Variants in GALNT13 observed in about 807,000 individuals in gnomAD.
GALNT13 encodes the protein polypeptide N-acetylgalactosaminyltransferase 13, also known as UDP-GalNAc:polypeptide N-acetylgalactosaminyltransferase 13.
GALNT13 carries 28 observed loss-of-function variants against 64.2 expected under a neutral mutation model. The ratio of observed to expected loss-of-function variants is 0.44; its 90% CI spans 0.32 to 0.60. GALNT13 has a LOEUF of 0.60. Among genes scored for constraint, GALNT13 ranks in the 20% least tolerant of loss-of-function variants. The pLI is 0.05. For synonymous variants in GALNT13, 214 were observed against 224.6 expected (o/e 0.95, Z 0.42); for missense variants, 577 against 669.8 (o/e 0.86, Z 1.53).
the GALNT13 span, among the ~76,000 whole-genome samples, chr2:153,256,715 G>T: frequency 1.1e-4 from 16 of 152,282 alleles, no homozygotes; most frequent in South Asian, 2.9e-3. Context: ...CAGGCCGTGT[G>T]AGGTGTCAGT....
intron 4 of GALNT13, among the ~76,000 whole-genome samples, chr2:154,207,216 T>A (rs760976299): frequency 1.3e-4 from 20 of 152,126 alleles, no homozygotes; most frequent in African/African-American, 3.4e-4. Context: ...TCCAATGTCG[T>A]GTCTTGTTTG....
the GALNT13 span, among the ~76,000 whole-genome samples, chr2:153,285,913 TG>T: frequency 6.6e-6 from 1 of 151,770 alleles, no homozygotes; most frequent in Non-Finnish European, 1.5e-5. Context: ...AAAAAAGGAG[TG>T]AAACTTAACA....
chr2:153,575,510 G>A, the GALNT13 span, among the ~76,000 whole-genome samples: 1 of 152,268 alleles, frequency 6.6e-6, no homozygotes, highest in South Asian at 2.1e-4. Flanking sequence ...TGGGAGTCAG[G>A]GGCTAGAGTC....
intron 3 of GALNT13, among the ~76,000 whole-genome samples, chr2:153,993,757 A>G (rs1695326038): frequency 6.6e-6 from 1 of 151,840 alleles, no homozygotes; most frequent in Admixed American, 6.6e-5. Context: ...GATGATTTGC[A>G]AAAGGATGCC....
At chr2:153,971,045 C>T (rs1693702701) in intron 3 of GALNT13, among the ~76,000 whole-genome samples, 1 of 152,178 alleles carries the variant, frequency 6.6e-6, no homozygotes, top group Non-Finnish European at 1.5e-5. Flanking sequence ...CTTATTCATT[C>T]TGTTCCAGTC....
chr2:153,071,213 G>A, the GALNT13 span, among the ~76,000 whole-genome samples: 1 of 152,154 alleles, frequency 6.6e-6, no homozygotes, highest in Non-Finnish European at 1.5e-5. Context: ...ATTTATGTGA[G>A]TAAAAACACA....
chr2:153,757,194 C>G, the GALNT13 span, among the ~76,000 whole-genome samples: 1 of 152,060 alleles, frequency 6.6e-6, no homozygotes, highest in Non-Finnish European at 1.5e-5. Context: ...CCCCCACAGT[C>G]GCTGGTTTCT....
chr2:154,108,689 T>C (rs568117922), intron 3 of GALNT13, among the ~76,000 whole-genome samples: 1 of 151,888 alleles, frequency 6.6e-6, no homozygotes, highest in Non-Finnish European at 1.5e-5. Context: ...ATTCCGTGAT[T>C]TTTTTTTCTT....
chr2:154,365,966 A>G (rs913574206), intron 9 of GALNT13, among the ~76,000 whole-genome samples: 5 of 152,200 alleles, frequency 3.3e-5, no homozygotes, highest in African/African-American at 1.2e-4. Context: ...GCTATTGACA[A>G]TCATCAAAGA....
intron 3 of GALNT13, among the ~76,000 whole-genome samples, chr2:153,945,479 C>G (rs1691661788): frequency 6.6e-6 from 1 of 152,016 alleles, no homozygotes; most frequent in African/African-American, 2.4e-5. Context: ...CAAAAGTTTT[C>G]TGCATAAATA....
chr2:153,269,698 A>G, the GALNT13 span, among the ~76,000 whole-genome samples: 1 of 147,714 alleles, frequency 6.8e-6, no homozygotes, highest in Non-Finnish European at 1.5e-5. Flanking sequence ...ACTACCTGAG[A>G]CTGGGTAATT....
intron 9 of GALNT13, among the ~76,000 whole-genome samples, chr2:154,340,174 C>CTTGGTCAAAATATGT (rs1434509656): frequency 6.6e-6 from 1 of 151,896 alleles, no homozygotes; most frequent in Non-Finnish European, 1.5e-5. Flanking sequence ...AACTCTCTAA[C>CTTGGTCAAAATATGT]TTGGTCAAAA....
At chr2:153,670,694 G>A in the GALNT13 span, among the ~76,000 whole-genome samples, 1 of 152,180 alleles carries the variant, frequency 6.6e-6, no homozygotes, top group South Asian at 2.1e-4. Flanking sequence ...ACTGGATGGA[G>A]AATGAGTTTG....
the GALNT13 span, among the ~76,000 whole-genome samples, chr2:153,304,521 C>T: frequency 6.6e-6 from 1 of 152,086 alleles, no homozygotes; most frequent in East Asian, 1.9e-4. Context: ...AATAGGACTC[C>T]CTCACAGCAG....
chr2:154,339,897 A>G (rs1295305695), intron 9 of GALNT13, among the ~76,000 whole-genome samples: 1 of 152,134 alleles, frequency 6.6e-6, no homozygotes, highest in African/African-American at 2.4e-5. Context: ...CTAGAGGTTT[A>G]TCAGCAGGTG....
At chr2:153,398,483 C>T in the GALNT13 span, among the ~76,000 whole-genome samples, 3 of 151,732 alleles carry the variant, frequency 2.0e-5, no homozygotes, top group African/African-American at 7.3e-5. Context: ...TTCTAGATCC[C>T]TGAGGAATCG....
At chr2:154,425,458 A>G (rs1700429789) in intron 11 of GALNT13, among the ~76,000 whole-genome samples, 2 of 152,314 alleles carry the variant, frequency 1.3e-5, no homozygotes, top group South Asian at 4.1e-4. Context: ...AATGGTACCA[A>G]CTAATGAGAC....
the GALNT13 span, among the ~76,000 whole-genome samples, chr2:153,136,975 C>T: frequency 6.6e-6 from 1 of 151,838 alleles, no homozygotes; most frequent in Non-Finnish European, 1.5e-5. Context: ...AGGCCCTCTC[C>T]CGAGGTGAAT....
chr2:153,077,725 A>T, the GALNT13 span, among the ~76,000 whole-genome samples: 2 of 152,288 alleles, frequency 1.3e-5, no homozygotes, highest in East Asian at 3.9e-4. Context: ...AGTCACAATA[A>T]AATTTAAGGA....
Sources: allele counts gnomAD v4.1 joint callset (sites outside exome capture counted in the v4.1 genomes callset), GRCh38; gene constraint gnomAD v4.1.1; transcripts MANE v1.5; gene names NCBI Gene and HGNC (gene_info 2026-07-23, HGNC 2026-07-21).